The following IQCE variants were observed in gnomAD, a reference collection of about 807,000 sequenced individuals.
IQCE encodes IQ domain-containing protein E.
In IQCE, 115 loss-of-function variants were observed where a neutral mutation model predicts 96.0. The observed-to-expected ratio is 1.20, with a 90% CI of 1.03 to 1.40. IQCE has a LOEUF of 1.40. IQCE is among the 40% of genes most tolerant of loss of function. The pLI, the probability that IQCE is intolerant of heterozygous loss-of-function variation, is 0.00. For missense variants in IQCE, 1,041 were observed against 909.1 expected (o/e 1.15, Z -1.87); for synonymous variants, 412 against 371.2 (o/e 1.11, Z -1.26).
chr7:2,594,827 G>T, intron 15 of IQCE, 59 bp from the exon 16 acceptor site: 1 of 1,236,690 alleles, frequency 8.1e-7, no homozygotes, highest in Non-Finnish European at 1.2e-6. Flanking sequence ...CCTGCCCTGT[G>T]CCGGCCTTCA....
intron 15 of IQCE, among the ~76,000 whole-genome samples, chr7:2,593,775 G>C (rs1043756727): frequency 6.6e-6 from 1 of 152,242 alleles, no homozygotes; most frequent in African/African-American, 2.4e-5. Flanking sequence ...CGATGTAAAC[G>C]TTCTGGAATT....
chr7:2,600,377 C>T (rs556120929), intron 17 of IQCE, among the ~76,000 whole-genome samples: 17 of 152,288 alleles, frequency 1.1e-4, no homozygotes, highest in East Asian at 7.7e-4. Context: ...TGCTGGCTTT[C>T]GCCATTTTAA....
chr7:2,586,480 T>C (rs1350989425), intron 12 of IQCE, 109 bp downstream of exon 12: 2 of 1,250,938 alleles, frequency 1.6e-6, no homozygotes, highest in Non-Finnish European at 1.1e-6. Context: ...AGGGCAGATG[T>C]GAACCCTTGG....
At chr7:2,561,343 A>G (rs574457248) in intron 1 of IQCE, among the ~76,000 whole-genome samples, 3 of 151,218 alleles carry the variant, frequency 2.0e-5, no homozygotes, top group South Asian at 4.2e-4. Context: ...ATTCCTAAGT[A>G]TTTTATGCTT....
intron 8 of IQCE, chr7:2,582,007 C>T (rs769015255): frequency 1.7e-4 from 77 of 461,414 alleles, no homozygotes; most frequent in Admixed American, 4.9e-5. Context: ...CCACCGCGCC[C>T]GGCAAAAGAA....
At chr7:2,593,178 G>T in intron 15 of IQCE, 52 bp downstream of exon 15, 1 of 1,548,882 alleles carries the variant, frequency 6.5e-7, no homozygotes. Context: ...CCGCACTCCT[G>T]CTACCACTGC....
chr7:2,608,587 C>T (rs529914509), intron 21 of IQCE, among the ~76,000 whole-genome samples: 5 of 152,228 alleles, frequency 3.3e-5, no homozygotes, highest in South Asian at 4.1e-4. Context: ...AGCGGTCGGG[C>T]CGGCCTGTGA....
At chr7:2,574,095 C>A (rs997765125) in intron 6 of IQCE, among the ~76,000 whole-genome samples, 4 of 152,332 alleles carry the variant, frequency 2.6e-5, no homozygotes. Flanking sequence ...TGAGCTGTAT[C>A]GTCATTGTCA....
Position 2,563,375 on chromosome 7 carries a change from TTGTG to T in IQCE, c.37-3707_37-3704del, listed in dbSNP as rs143397539. On this transcript the variant is annotated intron_variant, in intron 1 of 21. Transcript: ENST00000402050. Reference sequence around the variant, plus strand: ...TGATGCCCAGCTAATTAATTTTTTGTTGTGTGTGTGTGTGTGTGTGTGTGTGTGT... The same window carrying T: ...TGATGCCCAGCTAATTAATTTTTTGTTGTGTGTGTGTGTGTGTGTGTGTGT... 2.2e-3 allele frequency among the ~76,000 whole-genome samples: 294 copies of T among 135,758 alleles called. 2 individuals carry two copies. The highest frequency in any genetic ancestry group is 0.02 in the South Asian group (75 of 3,724). The allele number at this position is 135,758 out of a possible 152,430, so 89.1% of individuals were successfully genotyped here.
At chr7:2,577,967 G>A (rs573990537) in intron 6 of IQCE, among the ~76,000 whole-genome samples, 1 of 112,834 alleles carries the variant, frequency 8.9e-6, no homozygotes. Context: ...GTGGCTGTGC[G>A]CGCGGGGACG....
chr7:2,597,072 G>A, intron 16 of IQCE: 2 of 471,270 alleles, frequency 4.2e-6, no homozygotes, highest in South Asian at 3.1e-5. Context: ...TCGGCCAGGA[G>A]GCGGCAGGGT....
chr7:2,587,709 C>A, intron 12 of IQCE, 113 bp from the exon 13 acceptor site: 1 of 1,051,860 alleles, frequency 9.5e-7, no homozygotes, highest in Non-Finnish European at 1.5e-6. Context: ...GGCTCTGCAG[C>A]CCCGCAGGCT....
At chr7:2,573,326 G>T (rs1444972401) in intron 5 of IQCE, 92 bp from the exon 6 acceptor site, 1 of 685,798 alleles carries the variant, frequency 1.5e-6, no homozygotes, top group African/African-American at 1.9e-5. Flanking sequence ...AAAAGGAAAT[G>T]TTACTAACTT....
chr7:2,564,785 G>T (rs1175417377), intron 1 of IQCE, among the ~76,000 whole-genome samples: 13 of 152,254 alleles, frequency 8.5e-5, no homozygotes, highest in Non-Finnish European at 4.4e-5. Flanking sequence ...GTTGAGTGGG[G>T]TGTTCTGTAA....
At chr7:2,567,760 C>G (rs1043075286) in intron 2 of IQCE, among the ~76,000 whole-genome samples, 4 of 152,242 alleles carry the variant, frequency 2.6e-5, no homozygotes, top group Non-Finnish European at 5.9e-5. Context: ...GCCAGCAGAA[C>G]GAACCCGGCA....
intron 19 of IQCE, 73 bp from the exon 20 acceptor site, chr7:2,605,803 C>T: frequency 7.1e-7 from 1 of 1,400,556 alleles, no homozygotes; most frequent in Non-Finnish European, 9.4e-7. Flanking sequence ...CCCAGGGTGC[C>T]CTGGGGGTTG....
At chr7:2,607,440 G>A in intron 21 of IQCE, 1 of 1,332,590 alleles carries the variant, frequency 7.5e-7, no homozygotes, top group Non-Finnish European at 9.6e-7. Context: ...GCCTGGAATT[G>A]CCGAGGTCCT....
intron 8 of IQCE, among the ~76,000 whole-genome samples, chr7:2,579,238 A>C (rs1782461367): frequency 6.6e-6 from 1 of 152,162 alleles, no homozygotes. Context: ...TACACCTCCT[A>C]GCAGTCAAGG....
intron 6 of IQCE, among the ~76,000 whole-genome samples, chr7:2,577,166 C>G (rs144767546): frequency 1.3e-5 from 2 of 152,218 alleles, no homozygotes; most frequent in Non-Finnish European, 2.9e-5. Context: ...TTCCAAATCC[C>G]CCAGCTCAGT....
Sources: allele counts gnomAD v4.1 joint callset (sites outside exome capture counted in the v4.1 genomes callset), GRCh38; gene constraint gnomAD v4.1.1; transcripts MANE v1.5; gene names NCBI Gene and HGNC (gene_info 2026-07-23, HGNC 2026-07-21).